The following MEGF11 variants were observed in gnomAD, a reference collection of about 807,000 sequenced individuals.
MEGF11 encodes the protein multiple EGF like domains 11, also known as multiple epidermal growth factor-like domains protein 11.
Under a neutral mutation model 146.6 loss-of-function variants are expected in MEGF11, and 126 were observed. The ratio of observed to expected loss-of-function variants is 0.86; its 90% CI spans 0.74 to 1.00. The LOEUF is 1.00. Among genes scored for constraint, MEGF11 ranks in the 50% least tolerant of loss-of-function variants. The pLI is 0.00. For synonymous variants in MEGF11, 532 were observed against 583.4 expected, an observed-to-expected ratio of 0.91 and a Z score of 1.27; for missense variants, 1,509 against 1,521.2, an observed-to-expected ratio of 0.99 and a Z score of 0.13.
At chr15:65,988,773 T>C (rs1440424647) in intron 5 of MEGF11, among the ~76,000 whole-genome samples, 7 of 152,244 alleles carry the variant, frequency 4.6e-5, no homozygotes, top group Non-Finnish European at 7.3e-5. Flanking sequence ...CTCTCTGGGC[T>C]GGAGGAAGAC....
chr15:65,980,824 G>A lies in MEGF11; in HGVS notation c.716C>T (p.Thr239Ile). Reference protein sequence around the residue: ...ELRCPCQNGGTCHHITGECAC... With the variant: ...ELRCPCQNGGICHHITGECAC... ...ACACTCGCCAGTGATGTGGTGGCAG[G>A]TGCCCCCATTCTGACAGGGGCAGCG... is the stretch of plus-strand genomic sequence containing the variant. The change falls in exon 7 of 26, where the codon ACC becomes ATC. Residue 239 changes from threonine (T) to isoleucine (I), a missense_variant. Transcript: ENST00000395614. 1 of 1,605,240 alleles carries A rather than the reference G, an allele frequency of 6.2e-7. No individual in the cohort carries two copies. The highest frequency in any genetic ancestry group is 8.5e-7 in the Non-Finnish European group (1 of 1,176,428).
intron 5 of MEGF11, among the ~76,000 whole-genome samples, chr15:66,053,541 T>C (rs1394202124): frequency 6.6e-6 from 1 of 151,952 alleles, no homozygotes. Context: ...TCCCTTACAT[T>C]GCTGGTAATC....
intron 1 of MEGF11, among the ~76,000 whole-genome samples, chr15:66,149,027 A>G (rs547108880): frequency 6.6e-6 from 1 of 152,346 alleles, no homozygotes; most frequent in South Asian, 2.1e-4. Flanking sequence ...CAGGGCAGAC[A>G]CCCAGGACGG....
intron 5 of MEGF11, among the ~76,000 whole-genome samples, chr15:66,068,546 G>A (rs985900418): frequency 3.9e-5 from 6 of 152,216 alleles, no homozygotes; most frequent in African/African-American, 9.6e-5. Flanking sequence ...GAGAAAGTAA[G>A]TGACTTGCCT....
At chr15:65,915,092 C>T (rs911048281) in intron 19 of MEGF11, among the ~76,000 whole-genome samples, 4 of 152,220 alleles carry the variant, frequency 2.6e-5, no homozygotes, top group African/African-American at 4.8e-5. Flanking sequence ...CTACTCTTCC[C>T]GCTTTGCATG....
At chr15:66,101,010 C>G (rs1388000352) in intron 4 of MEGF11, among the ~76,000 whole-genome samples, 1 of 25,552 alleles carries the variant, frequency 3.9e-5, no homozygotes, top group African/African-American at 1.7e-4. Context: ...TGGATGGGCA[C>G]GTGGGTGGGT....
At position 66,208,086 on chromosome 15, in the gene MEGF11, G is replaced by GA. The variant is rs758591227; in HGVS notation, c.-9+45518dup. Among the ~76,000 whole-genome samples the GA allele has an allele frequency of 4.0e-3, 379 of 94,254 alleles. 1 individual carries two copies. Among genetic ancestry groups the GA allele is most frequent in the Middle Eastern group, 6.8e-3 (1 of 148 alleles). The allele number at this position is 94,254 out of a possible 152,430, so 61.8% of individuals were successfully genotyped here. On this transcript the variant is annotated intron_variant, in intron 1 of 25. Transcript: ENST00000395614. ...GGCAACAGAGTGAGACTGTGCCTCAGAAAAAAAAAAAAAAAGAAGAAGAAG... is the reference window on the plus strand; with the variant it reads ...GGCAACAGAGTGAGACTGTGCCTCAGAAAAAAAAAAAAAAAAGAAGAAGAAG...
intron 5 of MEGF11, among the ~76,000 whole-genome samples, chr15:66,025,359 C>T (rs745896842): frequency 8.6e-5 from 13 of 152,022 alleles, no homozygotes; most frequent in Non-Finnish European, 1.6e-4. Context: ...CTTATTGAAA[C>T]TCATGCTGGG....
intron 1 of MEGF11, among the ~76,000 whole-genome samples, chr15:66,198,632 T>C (rs978635355): frequency 2.7e-5 from 4 of 150,510 alleles, no homozygotes; most frequent in Non-Finnish European, 4.4e-5. Context: ...ACTACAGGCA[T>C]GCACCACCAC....
intron 5 of MEGF11, among the ~76,000 whole-genome samples, chr15:66,076,020 A>G (rs1020627977): frequency 7.9e-5 from 12 of 152,192 alleles, no homozygotes; most frequent in Admixed American, 7.9e-4. Flanking sequence ...TGTCTGGCAC[A>G]TGGAAAGGGC....
intron 1 of MEGF11, among the ~76,000 whole-genome samples, chr15:66,229,742 CAG>C (rs35377947): frequency 0.26 from 39,383 of 151,930 alleles, 5,246 homozygotes; most frequent in Admixed American, 0.29. Context: ...GCCCAGACAA[CAG>C]AGAGAGCTGG....
At chr15:66,153,430 G>A (rs541299399) in intron 1 of MEGF11, among the ~76,000 whole-genome samples, 131 of 152,136 alleles carry the variant, frequency 8.6e-4, no homozygotes, top group African/African-American at 3.0e-3. Context: ...AAAATTAGCC[G>A]GGCATGGTGG....
At chr15:66,008,409 GCGCACACA>G (rs1400836857) in intron 5 of MEGF11, among the ~76,000 whole-genome samples, 13 of 46,574 alleles carry the variant, frequency 2.8e-4, no homozygotes, top group African/African-American at 7.8e-4. Context: ...ACACGCGCGC[GCGCACACA>G]CACACACACA....
intron 5 of MEGF11, among the ~76,000 whole-genome samples, chr15:66,080,067 G>A (rs530673404): frequency 2.6e-5 from 4 of 152,212 alleles, no homozygotes; most frequent in Non-Finnish European, 5.9e-5. Context: ...CAGAGGCTGG[G>A]GGATGTGACA....
intron 7 of MEGF11, chr15:65,971,084 G>C (rs1466734825): frequency 5.4e-6 from 1 of 186,422 alleles, no homozygotes; most frequent in East Asian, 1.5e-4. Context: ...TAAACATGCT[G>C]GTATGGAGAC....
intron 5 of MEGF11, among the ~76,000 whole-genome samples, chr15:66,004,141 C>T (rs530379098): frequency 6.6e-6 from 1 of 152,278 alleles, no homozygotes; most frequent in African/African-American, 2.4e-5. Context: ...ACATACCAAT[C>T]CATGTCCTGC....
rs538271740 is a variant in MEGF11, at chr15:66,170,605, A to AT, written c.-8-42195dup. Among the ~76,000 whole-genome samples the AT allele has an allele frequency of 6.6e-5, 10 of 152,288 alleles. No individual in the cohort carries two copies. The East Asian group carries it at 1.3e-3, about 21-fold the overall frequency. ...CTTGCCAAGTGAGTTGAGTAAGATA[A>AT]TTTTTTGAAAGGAACCAGTAGTTTG... On this transcript the variant is annotated intron_variant, in intron 1 of 25. Transcript: ENST00000395614.
At chr15:66,176,012 A>G (rs888742060) in intron 1 of MEGF11, among the ~76,000 whole-genome samples, 22 of 152,228 alleles carry the variant, frequency 1.4e-4, no homozygotes, top group African/African-American at 5.1e-4. Context: ...AACGATCTGA[A>G]CAGACATTTC....
In MEGF11 at chr15:65,913,893, C is replaced by G. The variant is rs757617128; in HGVS notation, c.2554G>C (p.Val852Leu). ...AATAACAGGAGCATGATGCCTGTGACAGCACCCACCGAGTGCCGCTCTGCA... is the reference window on the plus strand; with the variant it reads ...AATAACAGGAGCATGATGCCTGTGAGAGCACCCACCGAGTGCCGCTCTGCA... ...LGAERHSVGA[V>L]TGIMLLLFLI... Residue 852 changes from valine (V) to leucine (L), a missense_variant, in exon 20 of 26, where the codon GTC (valine) becomes CTC (leucine). Physicochemically the swap from Val to Leu is conservative, Grantham distance 32. Transcript: ENST00000395614. 122 of 1,613,928 alleles carry G rather than the reference C, an allele frequency of 7.6e-5. No homozygotes were observed. The highest frequency in any genetic ancestry group is 9.8e-5 in the Non-Finnish European group (116 of 1,179,914).
Sources: gnomAD v4.1 joint callset for allele counts (sites outside exome capture counted in the v4.1 genomes callset) on GRCh38, gnomAD v4.1.1 for gene constraint, MANE v1.5 for transcripts, NCBI Gene and HGNC (gene_info 2026-07-23, HGNC 2026-07-21) for gene names.